Variants in SEPTIN11 observed in about 807,000 individuals in gnomAD.
SEPTIN11 encodes septin 11, also known as septin-11.
Under a neutral mutation model 51.4 loss-of-function variants are expected in SEPTIN11, and 25 were observed. That is an observed-to-expected ratio of 0.49 (90% CI 0.35 to 0.68). SEPTIN11 has a LOEUF of 0.68. Ranked by LOEUF, SEPTIN11 falls within the 30% of genes least tolerant of loss-of-function variation. SEPTIN11 has a pLI of 0.00. For missense variants in SEPTIN11, 381 were observed against 520.8 expected (o/e 0.73, Z 2.61); for synonymous variants, 174 against 184.1 (o/e 0.95, Z 0.44).
Position 76,951,182 on chromosome 4 carries a change from C to A in SEPTIN11, c.27+1252C>A, listed in dbSNP as rs117525719. Among the ~76,000 whole-genome samples, 163 of 152,284 alleles carry A rather than the reference C, an allele frequency of 1.1e-3. 2 individuals carry two copies. The East Asian group carries it at 0.028, about 26-fold the overall frequency. On this transcript the variant is annotated intron_variant, in intron 1 of 9. Coordinates refer to ENST00000264893, the MANE Select transcript of SEPTIN11 (RefSeq NM_018243.4). Reference sequence around the variant, plus strand: ...CGCCTAACTCCTCCCCAGATACGCGCGCCTTTTGCACCCTACCCCCTCGGG... The same window carrying A: ...CGCCTAACTCCTCCCCAGATACGCGAGCCTTTTGCACCCTACCCCCTCGGG...
chr4:76,952,121 ATTGTC>A (rs1721375161), intron 1 of SEPTIN11, among the ~76,000 whole-genome samples: 1 of 152,184 alleles, frequency 6.6e-6, no homozygotes, highest in Admixed American at 6.5e-5. Context: ...TCATTGGGCT[ATTGTC>A]TTAAGTGTGG....
Position 76,974,888 on chromosome 4 carries a change from C to T in SEPTIN11, c.28-21537C>T, listed in dbSNP as rs11736384. ...CTGTAATCCCAACACTTTGGGAGGC[C>T]GAGGCAGGCAGATCACTTGAGGCCA... On this transcript the variant is annotated intron_variant, in intron 1 of 9. Coordinates refer to ENST00000264893, the MANE Select transcript of SEPTIN11 (RefSeq NM_018243.4). The T allele has an allele frequency of 3.5e-4, 160 of 455,370 alleles. 2 individuals carry two copies. Among genetic ancestry groups the T allele is most frequent in the Non-Finnish European group, 4.9e-4 (110 of 226,726 alleles). 28.2% of individuals were successfully genotyped at this position (455,370 alleles called of 1,614,324 possible).
chr4:76,979,707 A>C (rs764761243), intron 1 of SEPTIN11, among the ~76,000 whole-genome samples: 2 of 152,030 alleles, frequency 1.3e-5, no homozygotes, highest in Non-Finnish European at 2.9e-5. Flanking sequence ...AACATGATGA[A>C]ACCCCGTCTC....
intron 1 of SEPTIN11, among the ~76,000 whole-genome samples, chr4:76,978,863 T>C (rs570438171): frequency 2.0e-5 from 3 of 152,196 alleles, no homozygotes; most frequent in Admixed American, 1.3e-4. Flanking sequence ...GGGTTCATAC[T>C]GAAGCATGTG....
At chr4:77,019,352 C>T (rs1388857432) in intron 6 of SEPTIN11, 91 bp downstream of exon 6, 8 of 1,103,126 alleles carry the variant, frequency 7.3e-6, no homozygotes, top group Middle Eastern at 2.1e-4. Flanking sequence ...TTAGGGAGGC[C>T]CTCAACAGTG....
At chr4:77,022,432 A>T (rs748787478) in intron 7 of SEPTIN11, among the ~76,000 whole-genome samples, 66 of 152,054 alleles carry the variant, frequency 4.3e-4, no homozygotes, top group African/African-American at 1.0e-3. Flanking sequence ...GTAAAAAAAA[A>T]TTTTTTTCCA....
chr4:77,039,079 C>G, downstream of SEPTIN11: 1 of 1,289,044 alleles, frequency 7.8e-7, no homozygotes, highest in South Asian at 1.2e-5. Context: ...GTAGCTTCTT[C>G]TTTATGTAAC....
At chr4:77,005,007 G>A (rs1334913174) in intron 2 of SEPTIN11, among the ~76,000 whole-genome samples, 1 of 152,156 alleles carries the variant, frequency 6.6e-6, no homozygotes, top group African/African-American at 2.4e-5. Flanking sequence ...ACATAAAAGA[G>A]ATAATGCACT....
Position 77,020,610 on chromosome 4 carries a change from G to A in SEPTIN11, c.893G>A (p.Arg298Gln). 5 of 1,614,088 alleles carry A rather than the reference G, an allele frequency of 3.1e-6. No homozygotes were observed. Among genetic ancestry groups the A allele is most frequent in the Non-Finnish European group, 4.2e-6 (5 of 1,179,998 alleles). The change falls in exon 7 of 10, where the codon CGA becomes CAA. Residue 298 changes from arginine to glutamine, a missense_variant. Coordinates refer to ENST00000264893, the MANE Select transcript of SEPTIN11 (RefSeq NM_018243.4). ...CACACCCGCCACTATGAATTGTACC[G>A]ACGCTGTAAGCTTGAAGAGATGGGG... ...QTHTRHYELY[R>Q]RCKLEEMGFK...
intron 3 of SEPTIN11, among the ~76,000 whole-genome samples, chr4:77,011,154 C>T (rs1448865945): frequency 6.6e-6 from 1 of 152,126 alleles, no homozygotes; most frequent in Non-Finnish European, 1.5e-5. Context: ...CACAGACAGC[C>T]CCCATCTCTG....
intron 1 of SEPTIN11, among the ~76,000 whole-genome samples, chr4:76,968,614 T>G (rs1722123859): frequency 6.6e-6 from 1 of 152,222 alleles, no homozygotes. Flanking sequence ...ATTTCTGTTG[T>G]TTTTGTTATG....
At chr4:76,959,268 T>TA (rs369127502) in intron 1 of SEPTIN11, 24 of 120,662 alleles carry the variant, frequency 2.0e-4, no homozygotes, top group African/African-American at 6.8e-4. Flanking sequence ...TTTTTTTTTT[T>TA]AAAAATAATA....
intron 1 of SEPTIN11, among the ~76,000 whole-genome samples, chr4:76,962,798 A>G (rs917636711): frequency 2.0e-5 from 3 of 152,148 alleles, no homozygotes; most frequent in Non-Finnish European, 4.4e-5. Context: ...CTTTTAATGT[A>G]TTTCTTTAAG....
intron 7 of SEPTIN11, among the ~76,000 whole-genome samples, chr4:77,023,456 G>C (rs1357942616): frequency 6.7e-6 from 1 of 150,182 alleles, no homozygotes; most frequent in African/African-American, 2.4e-5. Flanking sequence ...AAGAAAATTA[G>C]AAAAAAGTGG....
intron 1 of SEPTIN11, chr4:76,995,852 G>A (rs924861462): frequency 1.1e-5 from 17 of 1,535,482 alleles, no homozygotes; most frequent in Non-Finnish European, 1.3e-5. Flanking sequence ...GTGAAGAGGG[G>A]GAAGAAGACT....
At chr4:77,020,435 A>G (rs1385150585) in intron 6 of SEPTIN11, 67 bp from the exon 7 acceptor site, 26 of 1,543,672 alleles carry the variant, frequency 1.7e-5, no homozygotes, top group Non-Finnish European at 2.2e-5. Flanking sequence ...TCTTGGAAGC[A>G]TCACTGCAGA....
intron 7 of SEPTIN11, among the ~76,000 whole-genome samples, chr4:77,027,112 A>G (rs569793647): frequency 7.2e-4 from 110 of 152,306 alleles, no homozygotes; most frequent in African/African-American, 2.5e-3. Flanking sequence ...CGTGTTAATT[A>G]TTGAAGTATA....
intron 1 of SEPTIN11, among the ~76,000 whole-genome samples, chr4:76,955,421 G>T (rs1266509393): frequency 6.6e-6 from 1 of 152,182 alleles, no homozygotes; most frequent in African/African-American, 2.4e-5. Context: ...GTGAGGGAGA[G>T]ACTCTTAAGA....
intron 1 of SEPTIN11, among the ~76,000 whole-genome samples, chr4:76,992,105 G>T (rs558890402): frequency 1.3e-5 from 2 of 152,286 alleles, no homozygotes; most frequent in African/African-American, 2.4e-5. Context: ...CTTACTTAGT[G>T]GTTCTGTGTT....
Sources: gnomAD v4.1 joint callset for allele counts (sites outside exome capture counted in the v4.1 genomes callset) on GRCh38, gnomAD v4.1.1 for gene constraint, MANE v1.5 for transcripts, NCBI Gene and HGNC (gene_info 2026-07-23, HGNC 2026-07-21) for gene names.